PKD2L2: variants seen among roughly 807,000 people sequenced by gnomAD.
PKD2L2 encodes the protein polycystin-2-like protein 2.
In PKD2L2, 67 loss-of-function variants were observed where a neutral mutation model predicts 83.9. The observed-to-expected ratio is 0.80, with a 90% CI of 0.66 to 0.98. PKD2L2 has a LOEUF of 0.98. Among genes scored for constraint, PKD2L2 ranks in the 50% least tolerant of loss-of-function variants. PKD2L2 has a pLI of 0.00. For missense variants in PKD2L2, 632 were observed against 717.2 expected, an observed-to-expected ratio of 0.88 and a Z score of 1.36; for synonymous variants, 223 against 237.8, an observed-to-expected ratio of 0.94 and a Z score of 0.57.
At position 137,908,857 on chromosome 5, in the gene PKD2L2, G is replaced by GT. The variant is rs761604235; in HGVS notation, c.1245dup (p.Ile416TyrfsTer19). 5.6e-6 allele frequency: 9 copies of GT among 1,603,130 alleles called. No homozygotes were observed. The highest frequency in any genetic ancestry group is 7.7e-6 in the Non-Finnish European group (9 of 1,170,552). Reference sequence around the variant, plus strand: ...AAGACATAGTAGGATTTGCCATCATGTTTTTTATAATATTCTTTGCTTATG... The same window carrying GT: ...AAGACATAGTAGGATTTGCCATCATGTTTTTTTATAATATTCTTTGCTTATG... On this transcript the variant is annotated frameshift_variant, in exon 8 of 15. Transcript: ENST00000508883. LOFTEE classifies it high-confidence loss of function.
intron 9 of PKD2L2, among the ~76,000 whole-genome samples, chr5:137,921,963 T>C (rs1474370128): frequency 6.6e-6 from 1 of 152,188 alleles, no homozygotes; most frequent in Non-Finnish European, 1.5e-5. Flanking sequence ...TTTCTGGGTG[T>C]TTTAGACGGG....
At chr5:137,891,891 G>A (rs1033544557) in intron 2 of PKD2L2, among the ~76,000 whole-genome samples, 6 of 152,024 alleles carry the variant, frequency 3.9e-5, no homozygotes, top group African/African-American at 1.5e-4. Flanking sequence ...TCACCATGTT[G>A]GTCAGTCTGG....
intron 12 of PKD2L2, among the ~76,000 whole-genome samples, chr5:137,933,828 G>A (rs930138582): frequency 1.3e-5 from 2 of 152,068 alleles, no homozygotes; most frequent in African/African-American, 2.4e-5. Context: ...TTGGTAATTC[G>A]CATCAATCAC....
intron 14 of PKD2L2, chr5:137,942,023 A>G: frequency 6.2e-7 from 1 of 1,613,980 alleles, no homozygotes; most frequent in South Asian, 1.1e-5. Flanking sequence ...CTGGCTTTCC[A>G]AAGTTGTTCC....
At chr5:137,910,350 G>A (rs913725203) in intron 8 of PKD2L2, among the ~76,000 whole-genome samples, 9 of 151,812 alleles carry the variant, frequency 5.9e-5, no homozygotes, top group African/African-American at 9.7e-5. Context: ...ACCGTGGGTA[G>A]TGAAGAGGAA....
chr5:137,914,652 TTTCAA>T (rs1229257116), intron 8 of PKD2L2, among the ~76,000 whole-genome samples: 1 of 152,218 alleles, frequency 6.6e-6, no homozygotes, highest in Non-Finnish European at 1.5e-5. Context: ...TGGCTAGGAC[TTTCAA>T]TACTGTATTG....
chr5:137,892,351 AAATT>A (rs1312751859), intron 2 of PKD2L2, 125 bp from the exon 3 acceptor site: 1 of 437,894 alleles, frequency 2.3e-6, no homozygotes, highest in Non-Finnish European at 3.8e-6. Context: ...TAGATTTTTT[AAATT>A]ATTACTTTTA....
chr5:137,893,407 A>G (rs1328866015), intron 3 of PKD2L2, among the ~76,000 whole-genome samples: 3 of 152,200 alleles, frequency 2.0e-5, no homozygotes, highest in African/African-American at 2.4e-5. Flanking sequence ...TGCTCACATT[A>G]TGAAGAAAGA....
chr5:137,942,052 T>C, intron 14 of PKD2L2: 3 of 1,608,044 alleles, frequency 1.9e-6, no homozygotes, highest in Non-Finnish European at 2.6e-6. Flanking sequence ...AGGCCTAGAA[T>C]TGAAATGGTA....
At chr5:137,890,037 C>A (rs10071398) in intron 1 of PKD2L2, 3,421 of 160,648 alleles carry the variant, frequency 0.021, 130 homozygotes, top group African/African-American at 0.078. Context: ...GTAATCCCAA[C>A]ACTTTGGGAG....
chr5:137,931,438 C>G (rs1759870416), intron 12 of PKD2L2, among the ~76,000 whole-genome samples: 1 of 152,050 alleles, frequency 6.6e-6, no homozygotes, highest in South Asian at 2.1e-4. Context: ...AGCAAAAATC[C>G]TAAATATTAG....
chr5:137,909,966 T>C (rs950297043), intron 8 of PKD2L2, among the ~76,000 whole-genome samples: 13 of 152,206 alleles, frequency 8.5e-5, no homozygotes, highest in African/African-American at 2.6e-4. Flanking sequence ...CCATGGCACC[T>C]ATAATCCCAG....
intron 12 of PKD2L2, among the ~76,000 whole-genome samples, chr5:137,930,959 C>T (rs1384521532): frequency 6.6e-6 from 1 of 151,882 alleles, no homozygotes; most frequent in Non-Finnish European, 1.5e-5. Flanking sequence ...GAAAAGAAAT[C>T]ACTAGGTAAC....
chr5:137,942,156 C>T, intron 14 of PKD2L2: 1 of 793,426 alleles, frequency 1.3e-6, no homozygotes, highest in Non-Finnish European at 2.0e-6. Context: ...GTTAGGTCTA[C>T]CAATGCCTAA....
At chr5:137,905,765 G>A (rs1291263749) in intron 5 of PKD2L2, among the ~76,000 whole-genome samples, 1 of 152,070 alleles carries the variant, frequency 6.6e-6, no homozygotes, top group African/African-American at 2.4e-5. Context: ...ATCTAAAGAG[G>A]GAGAATGTAT....
chr5:137,937,112 T>C (rs1760503946), intron 14 of PKD2L2, among the ~76,000 whole-genome samples: 1 of 152,214 alleles, frequency 6.6e-6, no homozygotes, highest in Non-Finnish European at 1.5e-5. Flanking sequence ...TCAGGTACCA[T>C]GTTCTGAATT....
intron 12 of PKD2L2, among the ~76,000 whole-genome samples, chr5:137,933,254 AATG>A (rs1760036830): frequency 6.6e-6 from 1 of 152,088 alleles, no homozygotes; most frequent in Non-Finnish European, 1.5e-5. Context: ...ACTTCCATAA[AATG>A]ATGATTCCAA....
At chr5:137,912,739 C>A (rs570246764) in intron 8 of PKD2L2, among the ~76,000 whole-genome samples, 5 of 146,460 alleles carry the variant, frequency 3.4e-5, no homozygotes, top group Non-Finnish European at 6.0e-5. Context: ...TGTGTGTCTT[C>A]TTTTGAGAAA....
chr5:137,907,895 T>C lies in PKD2L2; in HGVS notation c.1129T>C (p.Phe377Leu). The C allele has an allele frequency of 1.4e-6, 2 of 1,399,710 alleles. No homozygotes were observed. Among genetic ancestry groups the C allele is most frequent in the Non-Finnish European group, 2.0e-6 (2 of 1,004,870 alleles). The allele number at this position is 1,399,710 out of a possible 1,614,324, so 86.7% of individuals were successfully genotyped here. ...YYNNIIAITIFFAWIKIFKFI... is the reference protein window; with the variant it reads ...YYNNIIAITILFAWIKIFKFI... ...CAATAATATAATTGCTATTACCATC[T>C]TTTTTGCATGGATAAAGGTATTTAT... Residue 377 changes from phenylalanine to leucine, a missense_variant, in exon 7 of 15, where the codon TTT becomes CTT. By Grantham distance (22) the Phe-to-Leu change is conservative. Coordinates refer to ENST00000508883, the MANE Select transcript of PKD2L2 (RefSeq NM_001300921.2).
Sources: allele counts gnomAD v4.1 joint callset (sites outside exome capture counted in the v4.1 genomes callset), GRCh38; gene constraint gnomAD v4.1.1; transcripts MANE v1.5; gene names NCBI Gene and HGNC (gene_info 2026-07-23, HGNC 2026-07-21).